The following ZNF469 variants were observed in gnomAD, a reference collection of about 807,000 sequenced individuals.
ZNF469 encodes the protein zinc finger protein 469.
A neutral mutation model predicts 1.0 loss-of-function variants in ZNF469; 1 was observed. The ratio of observed to expected loss-of-function variants is 1.00; its 90% CI spans 0.35 to 4.73. The LOEUF (loss-of-function observed/expected upper bound fraction) is 4.73, where lower values mean the gene tolerates loss of function less well. Ranked by LOEUF, ZNF469 falls within the 30% of genes most tolerant of loss-of-function variation. The probability of loss-of-function intolerance (pLI) is 0.16; values close to 1 mark genes in which losing one functional copy is unlikely to be tolerated. For synonymous variants in ZNF469, 2,703 were observed against 2,363.4 expected (o/e 1.14, Z -4.17); for missense variants, 6,100 against 5,356.3 (o/e 1.14, Z -4.33).
the ZNF469 span, among the ~76,000 whole-genome samples, chr16:88,307,500 A>G: frequency 3.3e-5 from 5 of 152,150 alleles, no homozygotes; most frequent in African/African-American, 1.2e-4. Flanking sequence ...ACTCTCATCA[A>G]CACCTGTTAT....
At chr16:88,282,556 A>G in the ZNF469 span, among the ~76,000 whole-genome samples, 2 of 152,192 alleles carry the variant, frequency 1.3e-5, no homozygotes, top group Non-Finnish European at 2.9e-5. Context: ...ATCTGGAGCC[A>G]ACATGCACAG....
chr16:88,331,526 A>G, the ZNF469 span, among the ~76,000 whole-genome samples: 4 of 149,742 alleles, frequency 2.7e-5, no homozygotes, highest in Non-Finnish European at 5.9e-5. Context: ...CCTCATCACT[A>G]CCATCACTAT....
In ZNF469 at chr16:88,439,177, A is replaced by C; in HGVS notation, c.11707A>C (p.Arg3903=). The C allele has an allele frequency of 6.4e-7, 1 of 1,550,478 alleles. No homozygotes were observed. The highest frequency in any genetic ancestry group is 8.7e-7 in the Non-Finnish European group (1 of 1,146,974). ...KAFPQGRPLL[R]PPKRGTAVHG... Reference sequence around the variant, plus strand: ...CTTCCCCCAGGGGAGACCCCTGCTCAGGCCCCCCAAGAGGGGCACAGCTGT... The same window carrying C: ...CTTCCCCCAGGGGAGACCCCTGCTCCGGCCCCCCAAGAGGGGCACAGCTGT... Residue 3903 remains arginine, a synonymous_variant, in exon 3 of 3, where the codon AGG becomes CGG. Coordinates refer to ENST00000565624, the MANE Select transcript of ZNF469 (RefSeq NM_001367624.2).
chr16:88,131,333 C>G, the ZNF469 span, among the ~76,000 whole-genome samples: 485 of 151,168 alleles, frequency 3.2e-3, 6 homozygotes, highest in African/African-American at 0.011. Flanking sequence ...CGCCTAAGCC[C>G]TTGTGACACC....
chr16:88,259,878 G>A, the ZNF469 span, among the ~76,000 whole-genome samples: 1 of 152,086 alleles, frequency 6.6e-6, no homozygotes, highest in African/African-American at 2.4e-5. The surrounding 1 kb of genome is among the most constrained non-coding windows in gnomAD (Gnocchi z 4.1). Context: ...CTTACTCCTA[G>A]GACACAAGCC....
chr16:88,432,974 C>A lies in ZNF469; in HGVS notation c.5504C>A (p.Ser1835Tyr). The A allele has an allele frequency of 6.4e-7, 1 of 1,550,416 alleles. No individual in the cohort carries two copies. Among genetic ancestry groups the A allele is most frequent in the East Asian group, 2.4e-5 (1 of 40,922 alleles). Residue 1835 changes from serine to tyrosine, a missense_variant, in exon 3 of 3, where the codon TCT becomes TAT. Transcript: ENST00000565624. ...CCCAGCCATGCTGCCCAGGGACATT[C>A]TGCAGGCAGAGCAGGTGGGCACCTC... The part of the protein sequence containing the change: ...ASPSHAAQGH[S>Y]AGRAGGHLHP...
chr16:88,117,402 T>A, the ZNF469 span, among the ~76,000 whole-genome samples: 3 of 152,022 alleles, frequency 2.0e-5, no homozygotes. Flanking sequence ...AAGAAAAAAA[T>A]GAAGAAAAAA....
At chr16:88,251,538 C>CTTTTTTTT in the ZNF469 span, among the ~76,000 whole-genome samples, 149 of 51,272 alleles carry the variant, frequency 2.9e-3, 36 homozygotes, top group East Asian at 0.011. Context: ...TCCCTGCTGT[C>CTTTTTTTT]TTTTTTTTTT....
the ZNF469 span, among the ~76,000 whole-genome samples, chr16:88,107,066 G>T: frequency 1.3e-5 from 2 of 152,214 alleles, no homozygotes; most frequent in Non-Finnish European, 2.9e-5. Context: ...GCGGGCGGGG[G>T]TCTGCGTGCC....
the ZNF469 span, among the ~76,000 whole-genome samples, chr16:88,107,027 C>T: frequency 3.9e-5 from 6 of 152,222 alleles, no homozygotes; most frequent in Non-Finnish European, 4.4e-5. Flanking sequence ...GCGAGGGTCA[C>T]GAGTTCTGCC....
upstream of ZNF469, among the ~76,000 whole-genome samples, chr16:88,379,336 C>A (rs2092515601): frequency 6.6e-6 from 1 of 152,258 alleles, no homozygotes; most frequent in East Asian, 1.9e-4. Flanking sequence ...TAGGACCACC[C>A]GGGAGCCTTC....
chr16:88,279,474 G>A, the ZNF469 span, among the ~76,000 whole-genome samples: 23 of 145,490 alleles, frequency 1.6e-4, 1 homozygote, highest in Admixed American at 3.5e-4. Flanking sequence ...GCCGACGCTC[G>A]GTCAGTACCG....
chr16:88,400,456 C>G (rs753236075), intron 1 of ZNF469, among the ~76,000 whole-genome samples: 3 of 152,204 alleles, frequency 2.0e-5, no homozygotes, highest in African/African-American at 4.8e-5. Flanking sequence ...GCTGGCCAGA[C>G]CAGGAAGGAG....
At chr16:88,186,786 G>A in the ZNF469 span, among the ~76,000 whole-genome samples, 2 of 152,250 alleles carry the variant, frequency 1.3e-5, no homozygotes, top group Non-Finnish European at 2.9e-5. Flanking sequence ...GGCTCTCGCT[G>A]GGAGGGCTCC....
chr16:88,275,494 C>T, the ZNF469 span, among the ~76,000 whole-genome samples: 2 of 152,212 alleles, frequency 1.3e-5, no homozygotes, highest in South Asian at 4.1e-4. Flanking sequence ...ACAGCTCCTG[C>T]CGCCACCCAC....
chr16:88,324,129 A>T, the ZNF469 span, among the ~76,000 whole-genome samples: 1 of 152,232 alleles, frequency 6.6e-6, no homozygotes. Flanking sequence ...GCCTGTGGTC[A>T]GCGCCTCCCC....
At chr16:88,126,149 G>A in the ZNF469 span, among the ~76,000 whole-genome samples, 25 of 133,136 alleles carry the variant, frequency 1.9e-4, 1 homozygote, top group South Asian at 2.6e-3. Flanking sequence ...AGATTGCACC[G>A]TTGCACTCCA....
At chr16:88,239,818 C>T in the ZNF469 span, among the ~76,000 whole-genome samples, 1 of 148,446 alleles carries the variant, frequency 6.7e-6, no homozygotes, top group East Asian at 2.0e-4. Context: ...CCTTGGCCTC[C>T]CAAAGTGCTA....
chr16:88,402,741 C>T (rs1904918249), intron 1 of ZNF469, among the ~76,000 whole-genome samples: 2 of 152,214 alleles, frequency 1.3e-5, no homozygotes, highest in Admixed American at 1.3e-4. Context: ...CCGCCTGCCT[C>T]TGGACATTAT....
Sources: allele counts gnomAD v4.1 joint callset (sites outside exome capture counted in the v4.1 genomes callset), GRCh38; gene constraint gnomAD v4.1.1; non-coding constraint Gnocchi (gnomAD v3.1); transcripts MANE v1.5; gene names NCBI Gene and HGNC (gene_info 2026-07-23, HGNC 2026-07-21).